The following PREX1 variants were observed in gnomAD, a reference collection of about 807,000 sequenced individuals.
PREX1 encodes phosphatidylinositol 3,4,5-trisphosphate-dependent Rac exchanger 1 protein.
In PREX1, 41 loss-of-function variants were observed where a neutral mutation model predicts 198.3. That is an observed-to-expected ratio of 0.21 (90% CI 0.16 to 0.27). The LOEUF (loss-of-function observed/expected upper bound fraction) is 0.27, where lower values mean the gene tolerates loss of function less well. PREX1 is among the 10% of genes least tolerant of loss of function. PREX1 has a pLI of 1.00. For missense variants in PREX1, 1,620 were observed against 2,200.7 expected (o/e 0.74, Z 5.28); for synonymous variants, 843 against 887.2 (o/e 0.95, Z 0.89).
At chr20:48,737,248 A>T in intron 3 of PREX1, among the ~76,000 whole-genome samples, 1 of 140,694 alleles carries the variant, frequency 7.1e-6, no homozygotes, top group Admixed American at 7.2e-5. Context: ...AAAAAAAGAC[A>T]GGCAGAGTCA....
At chr20:48,724,014 C>T (rs760208877) in intron 5 of PREX1, among the ~76,000 whole-genome samples, 2 of 152,172 alleles carry the variant, frequency 1.3e-5, no homozygotes, top group South Asian at 2.1e-4. Flanking sequence ...GGTTTTGAAA[C>T]GCAGAGAAGA....
At chr20:48,849,788 G>A in the PREX1 span, among the ~76,000 whole-genome samples, 1 of 152,210 alleles carries the variant, frequency 6.6e-6, no homozygotes, top group Non-Finnish European at 1.5e-5. Context: ...ACTTCAAGGA[G>A]CTCAACACAT....
At chr20:48,662,134 T>C (rs1601056191) in intron 15 of PREX1, among the ~76,000 whole-genome samples, 1 of 152,296 alleles carries the variant, frequency 6.6e-6, no homozygotes, top group Admixed American at 6.5e-5. Flanking sequence ...TGTGAGCCCC[T>C]TTCTCAGGCC....
chr20:48,825,356 C>T (rs545788013), intron 1 of PREX1, among the ~76,000 whole-genome samples: 2 of 152,128 alleles, frequency 1.3e-5, no homozygotes, highest in Admixed American at 1.3e-4. Context: ...GGTCAGGACA[C>T]GTAGCATGAT....
intron 7 of PREX1, among the ~76,000 whole-genome samples, chr20:48,695,120 A>G (rs2089838765): frequency 6.6e-6 from 1 of 152,226 alleles, no homozygotes. Context: ...CTGTATCAAC[A>G]TGTTTAGCTC....
chr20:48,636,600 C>T lies in PREX1; in HGVS notation c.4030G>A (p.Ala1344Thr). 1 of 1,611,858 alleles carries T rather than the reference C, an allele frequency of 6.2e-7. No homozygotes were observed. Among genetic ancestry groups the T allele is most frequent in the Non-Finnish European group, 8.5e-7 (1 of 1,179,620 alleles). The change falls in exon 32 of 40, where the codon GCG (alanine) becomes ACG (threonine). Residue 1344 changes from alanine to threonine, a missense_variant. Physicochemically the swap from Ala to Thr is moderately conservative, Grantham distance 58. Around this residue, in one of 7 missense-constraint regions of PREX1, gnomAD observed 476 missense variants for 603.4 expected, o/e 0.79. Coordinates refer to ENST00000371941, the MANE Select transcript of PREX1 (RefSeq NM_020820.4). ...AVCTFSKQLL[A>T]ALGYRYNNNG... ...TTGTTGTAGCGGTAGCCCAGGGCCG[C>T]CAGCAGCTGCTTGGAGAAGGTGCAC... is the stretch of plus-strand genomic sequence containing the variant.
chr20:48,816,224 G>T (rs890675150), intron 1 of PREX1, among the ~76,000 whole-genome samples: 1 of 152,170 alleles, frequency 6.6e-6, no homozygotes, highest in Non-Finnish European at 1.5e-5. Flanking sequence ...CAGAGAGGGA[G>T]TAAATAAAGT....
chr20:48,680,898 C>T (rs1008024690), intron 11 of PREX1, among the ~76,000 whole-genome samples: 8 of 152,254 alleles, frequency 5.3e-5, no homozygotes, highest in African/African-American at 1.9e-4. Context: ...GTCCTCCTCC[C>T]GTTCATTGTG....
At chr20:48,778,117 T>C (rs1264463848) in intron 1 of PREX1, among the ~76,000 whole-genome samples, 2 of 152,144 alleles carry the variant, frequency 1.3e-5, no homozygotes, top group Non-Finnish European at 2.9e-5. Flanking sequence ...GGATTTCTGT[T>C]TCCCTACAGA....
At chr20:48,726,204 G>A (rs1264782667) in intron 5 of PREX1, 86 bp downstream of exon 5, 28 of 1,142,912 alleles carry the variant, frequency 2.4e-5, no homozygotes, top group Non-Finnish European at 3.3e-5. Context: ...ACTGCTGCTA[G>A]ACTTCTCAGA....
At chr20:48,759,549 C>CAAAAAAAAAAAAAAAA (rs386393896) in intron 1 of PREX1, among the ~76,000 whole-genome samples, 2 of 73,936 alleles carry the variant, frequency 2.7e-5, no homozygotes, top group African/African-American at 5.9e-5. Context: ...GATTCCATCT[C>CAAAAAAAAAAAAAAAA]AAAAAAAAAA....
chr20:48,734,799 C>T (rs143377790), intron 3 of PREX1, 149 bp from the exon 4 acceptor site: 16 of 618,916 alleles, frequency 2.6e-5, no homozygotes, highest in Non-Finnish European at 4.3e-5. Context: ...GGTAAAGCGG[C>T]TCCACTCACT....
chr20:48,627,795 C>A, intron 38 of PREX1, 66 bp downstream of exon 38: 2 of 1,501,056 alleles, frequency 1.3e-6, no homozygotes, highest in Non-Finnish European at 9.1e-7. Context: ...TCATCCCACC[C>A]TGGCTGCAAG....
At chr20:48,709,189 G>A (rs1447700327) in intron 5 of PREX1, among the ~76,000 whole-genome samples, 1 of 152,142 alleles carries the variant, frequency 6.6e-6, no homozygotes, top group Non-Finnish European at 1.5e-5. Context: ...GATTTTTCAG[G>A]CCAAATTACC....
intron 6 of PREX1, among the ~76,000 whole-genome samples, chr20:48,703,830 C>T (rs1249750256): frequency 6.6e-6 from 1 of 152,238 alleles, no homozygotes; most frequent in African/African-American, 2.4e-5. Context: ...ACCCCCTCCA[C>T]CCCAGCCCTG....
chr20:48,878,585 G>A, the PREX1 span, among the ~76,000 whole-genome samples: 279 of 152,218 alleles, frequency 1.8e-3, 2 homozygotes, highest in Non-Finnish European at 2.6e-3. Context: ...TGATCCATCC[G>A]CCTCAGCCTC....
chr20:48,747,906 G>A, intron 1 of PREX1, 26 bp from the exon 2 acceptor site: 18 of 1,593,040 alleles, frequency 1.1e-5, no homozygotes, highest in Non-Finnish European at 1.5e-5. Context: ...AGAGAGAGGT[G>A]AGTGTCCGCG....
At chr20:48,812,644 C>G (rs568106920) in intron 1 of PREX1, among the ~76,000 whole-genome samples, 1 of 152,214 alleles carries the variant, frequency 6.6e-6, no homozygotes, top group East Asian at 1.9e-4. Context: ...TTTGCAGGTC[C>G]TAATTCACCT....
chr20:48,651,579 G>T lies in PREX1; in HGVS notation c.2472C>A (p.Phe824Leu). Reference protein sequence around the residue: ...AQEEDQADSAFPLLSLGPRLS... With the variant: ...AQEEDQADSALPLLSLGPRLS... ...GCCGGGGACCCAGGGACAGCAGTGG[G>T]AAGGCTGGAAGCCAAAAGAGGTGAC... Residue 824 changes from phenylalanine to leucine, a missense_variant, in exon 22 of 40, where the codon TTC (phenylalanine) becomes TTA (leucine). Transcript: ENST00000371941. 1 of 1,612,516 alleles carries T rather than the reference G, an allele frequency of 6.2e-7. No homozygotes were observed. Among genetic ancestry groups the T allele is most frequent in the Non-Finnish European group, 8.5e-7 (1 of 1,179,256 alleles).
Sources: gnomAD v4.1 joint callset for allele counts (sites outside exome capture counted in the v4.1 genomes callset) on GRCh38, gnomAD v4.1.1 for gene constraint, gnomAD v4.1.1 regional missense constraint, MANE v1.5 for transcripts, NCBI Gene and HGNC (gene_info 2026-07-23, HGNC 2026-07-21) for gene names.